Variants in ZNF385D observed in about 807,000 individuals in gnomAD.
ZNF385D encodes the protein zinc finger protein 385D.
Under a neutral mutation model 35.8 loss-of-function variants are expected in ZNF385D, and 15 were observed. The observed-to-expected ratio is 0.42, with a 90% CI of 0.28 to 0.64. The LOEUF is 0.64. Among genes scored for constraint, ZNF385D ranks in the 30% least tolerant of loss-of-function variants. The pLI is 0.23. For missense variants in ZNF385D, 474 were observed against 494.6 expected (o/e 0.96, Z 0.39); for synonymous variants, 212 against 186.8 (o/e 1.13, Z -1.10).
At chr3:21,877,581 A>G (rs1257815626) in intron 3 of ZNF385D, among the ~76,000 whole-genome samples, 3 of 152,114 alleles carry the variant, frequency 2.0e-5, no homozygotes, top group Non-Finnish European at 2.9e-5. Flanking sequence ...AAATGGTTCA[A>G]GGAAAACACA....
At chr3:21,832,139 T>C (rs1031771567) in intron 3 of ZNF385D, among the ~76,000 whole-genome samples, 6 of 152,222 alleles carry the variant, frequency 3.9e-5, no homozygotes, top group Non-Finnish European at 8.8e-5. Flanking sequence ...TAAATCTTTT[T>C]ATTTGTAACA....
At chr3:21,760,901 T>C (rs1041900813) in intron 3 of ZNF385D, among the ~76,000 whole-genome samples, 4 of 152,226 alleles carry the variant, frequency 2.6e-5, no homozygotes, top group African/African-American at 7.2e-5. Context: ...TTTAGCGTCA[T>C]TTTTAAATGT....
chr3:21,603,030 A>G (rs2064362308), intron 2 of ZNF385D, among the ~76,000 whole-genome samples: 1 of 152,162 alleles, frequency 6.6e-6, no homozygotes, highest in African/African-American at 2.4e-5. Context: ...AGGAAACTTC[A>G]CCTTTATAAC....
chr3:21,643,869 A>G (rs1213987028), intron 2 of ZNF385D, among the ~76,000 whole-genome samples: 1 of 152,164 alleles, frequency 6.6e-6, no homozygotes, highest in Non-Finnish European at 1.5e-5. Flanking sequence ...AGAAAGTTCT[A>G]TTGTACAGTG....
chr3:22,370,375 A>G (rs557820988), intron 2 of ZNF385D, among the ~76,000 whole-genome samples: 2 of 152,342 alleles, frequency 1.3e-5, no homozygotes, highest in East Asian at 1.9e-4. Flanking sequence ...ACGTCATTCA[A>G]GATGAACACT....
intron 1 of ZNF385D, among the ~76,000 whole-genome samples, chr3:21,750,053 G>A (rs2069985370): frequency 6.6e-6 from 1 of 152,188 alleles, no homozygotes; most frequent in Admixed American, 6.5e-5. Context: ...CTTACAGAAG[G>A]AAAGCATAAC....
At chr3:22,342,238 T>C (rs1283036547) in intron 2 of ZNF385D, among the ~76,000 whole-genome samples, 15 of 131,868 alleles carry the variant, frequency 1.1e-4, no homozygotes, top group African/African-American at 3.7e-4. Context: ...GATAGCCCCA[T>C]TGCACTCCAG....
At chr3:21,904,663 A>G (rs542534634) in intron 3 of ZNF385D, among the ~76,000 whole-genome samples, 59 of 152,272 alleles carry the variant, frequency 3.9e-4, no homozygotes, top group African/African-American at 1.3e-3. Context: ...CAAATCACGG[A>G]GCAGAAGCAT....
intron 3 of ZNF385D, among the ~76,000 whole-genome samples, chr3:22,036,182 G>C (rs759508728): frequency 3.3e-5 from 5 of 152,256 alleles, no homozygotes; most frequent in Middle Eastern, 6.8e-3. Flanking sequence ...AGAATCTCAG[G>C]TGAAAGGGAA....
chr3:21,742,109 A>G (rs1447712798), intron 1 of ZNF385D, among the ~76,000 whole-genome samples: 3 of 152,192 alleles, frequency 2.0e-5, no homozygotes, highest in Admixed American at 6.5e-5. Context: ...TCACACCTTC[A>G]TAACAAGGTC....
chr3:21,819,415 T>C (rs2125729090), intron 3 of ZNF385D, among the ~76,000 whole-genome samples: 1 of 151,040 alleles, frequency 6.6e-6, no homozygotes, highest in South Asian at 2.1e-4. Flanking sequence ...AGTAAAACGG[T>C]GAGAAAGTAC....
At chr3:21,758,301 T>C (rs1386670397) in intron 3 of ZNF385D, among the ~76,000 whole-genome samples, 1 of 152,176 alleles carries the variant, frequency 6.6e-6, no homozygotes, top group Non-Finnish European at 1.5e-5. Flanking sequence ...ATAGCAGAAA[T>C]GCATCCCATA....
At chr3:22,308,640 A>G (rs1176044112) in intron 2 of ZNF385D, among the ~76,000 whole-genome samples, 1 of 152,086 alleles carries the variant, frequency 6.6e-6, no homozygotes, top group African/African-American at 2.4e-5. Flanking sequence ...ATGAAAAAAG[A>G]GTTACTGAGA....
At position 22,099,043 on chromosome 3, in the gene ZNF385D, T is replaced by C. The variant is rs185925055; in HGVS notation, c.325+69774A>G. ...TAGGGATTTCTGTAATGAGGAAAAA[T>C]AGGAAGCAAAAAAAATCCAATCTAC... On this transcript the variant is annotated intron_variant, in intron 3 of 5. Transcript: ENST00000494108. Among the ~76,000 whole-genome samples the C allele has an allele frequency of 3.9e-5, 6 of 152,016 alleles. No individual in the cohort carries two copies. The East Asian group carries it at 9.7e-4, about 25-fold the overall frequency.
intron 2 of ZNF385D, among the ~76,000 whole-genome samples, chr3:21,575,910 C>T (rs2063483519): frequency 6.6e-6 from 1 of 152,028 alleles, no homozygotes; most frequent in African/African-American, 2.4e-5. Flanking sequence ...ACAGTATCAG[C>T]CTTGGTATAG....
At chr3:21,748,174 T>A (rs1374393192) in intron 1 of ZNF385D, among the ~76,000 whole-genome samples, 1 of 152,170 alleles carries the variant, frequency 6.6e-6, no homozygotes, top group Non-Finnish European at 1.5e-5. Context: ...CAATAGGAGA[T>A]AAGAGTGAGG....
chr3:22,078,389 T>A (rs1700575799), intron 3 of ZNF385D, among the ~76,000 whole-genome samples: 2 of 152,000 alleles, frequency 1.3e-5, no homozygotes, highest in Non-Finnish European at 2.9e-5. Context: ...ACAGAGAAAA[T>A]GATCCAACCA....
At chr3:21,452,247 A>G (rs1343849536) in intron 4 of ZNF385D, among the ~76,000 whole-genome samples, 1 of 152,082 alleles carries the variant, frequency 6.6e-6, no homozygotes, top group East Asian at 1.9e-4. Flanking sequence ...AGGCAGCAAC[A>G]TGCTTTCAAA....
chr3:22,213,031 A>G (rs1697627908), intron 2 of ZNF385D, among the ~76,000 whole-genome samples: 1 of 152,054 alleles, frequency 6.6e-6, no homozygotes, highest in African/African-American at 2.4e-5. Context: ...GCTTCTGCTG[A>G]AATAAATGCA....
Sources: gnomAD v4.1 joint callset for allele counts (sites outside exome capture counted in the v4.1 genomes callset) on GRCh38, gnomAD v4.1.1 for gene constraint, MANE v1.5 for transcripts, NCBI Gene and HGNC (gene_info 2026-07-23, HGNC 2026-07-21) for gene names.